Variants in COLGALT2 observed in about 807,000 individuals in gnomAD.
COLGALT2 encodes the protein procollagen galactosyltransferase 2.
In COLGALT2, 49 loss-of-function variants were observed where a neutral mutation model predicts 73.4. The observed-to-expected ratio is 0.67, with a 90% CI of 0.53 to 0.85. COLGALT2 has a LOEUF of 0.85. COLGALT2 is among the 40% of genes least tolerant of loss of function. The pLI, the probability that COLGALT2 is intolerant of heterozygous loss-of-function variation, is 0.00. For missense variants in COLGALT2, 722 were observed against 790.2 expected (o/e 0.91, Z 1.03); for synonymous variants, 295 against 307.6 (o/e 0.96, Z 0.43).
intron 1 of COLGALT2, among the ~76,000 whole-genome samples, chr1:184,026,689 G>A (rs909034237): frequency 2.0e-5 from 3 of 152,170 alleles, no homozygotes; most frequent in African/African-American, 7.2e-5. Flanking sequence ...GGCTAATTTA[G>A]TAGACTGTTT....
chr1:183,946,903 T>A (rs1049670393), intron 8 of COLGALT2, among the ~76,000 whole-genome samples: 10 of 152,110 alleles, frequency 6.6e-5, no homozygotes, highest in African/African-American at 2.4e-4. Context: ...TGGTGGTGGG[T>A]GCCTGTAGTC....
intron 1 of COLGALT2, among the ~76,000 whole-genome samples, chr1:183,985,955 A>T (rs1671478360): frequency 6.6e-6 from 1 of 152,184 alleles, no homozygotes; most frequent in African/African-American, 2.4e-5. Context: ...GAAAATAAAC[A>T]GCTCCACCTA....
intron 6 of COLGALT2, among the ~76,000 whole-genome samples, chr1:183,955,848 C>G (rs914727625): frequency 3.9e-5 from 6 of 152,188 alleles, no homozygotes; most frequent in African/African-American, 1.4e-4. Flanking sequence ...CACCTCTATT[C>G]CAGGCACAGG....
At chr1:183,945,659 C>T (rs943873952) in intron 8 of COLGALT2, 95 bp from the exon 9 acceptor site, 4 of 1,412,446 alleles carry the variant, frequency 2.8e-6, no homozygotes, top group South Asian at 2.6e-5. Context: ...AACACCCCTC[C>T]CCCACACAGA....
intron 1 of COLGALT2, among the ~76,000 whole-genome samples, chr1:184,020,273 G>A (rs796964782): frequency 3.3e-5 from 5 of 152,128 alleles, no homozygotes; most frequent in Non-Finnish European, 5.9e-5. Context: ...ATAAACAAGA[G>A]TTAACAGAGC....
chr1:183,939,070 G>A lies in COLGALT2; in HGVS notation c.1605-33C>T, dbSNP rs765857161. 27 of 1,560,232 alleles carry A rather than the reference G, an allele frequency of 1.7e-5. No individual in the cohort carries two copies. In the African/African-American group the frequency reaches 2.9e-4, roughly 16 times the overall value. On this transcript the variant is annotated intron_variant, in intron 11 of 11. Coordinates refer to ENST00000361927, the MANE Select transcript of COLGALT2 (RefSeq NM_015101.4). ...CAAGAAGGTGGCCGGACACATGAGG[G>A]GGCGGAAAGGAGACTTACGGAACAG...
Position 183,936,094 on chromosome 1 carries a change from T to G in COLGALT2, c.*2667A>C. 1.0e-6 allele frequency: 1 copy of G among 985,586 alleles called. No individual in the cohort carries two copies. Among genetic ancestry groups the G allele is most frequent in the South Asian group, 4.7e-5 (1 of 21,280 alleles). The allele number at this position is 985,586 out of a possible 1,614,324, so 61.1% of individuals were successfully genotyped here. A position where few individuals can be genotyped will look rare whatever the true frequency, so the allele number is the denominator to read the frequency against. On this transcript the variant is annotated 3_prime_UTR_variant, in exon 12 of 12. Coordinates refer to ENST00000361927, the MANE Select transcript of COLGALT2 (RefSeq NM_015101.4). ...ATGTCACGGTTGTCTGTCCAGAAGA[T>G]CCCACGTTAGATCCCAAGAGAAATC... is the stretch of plus-strand genomic sequence containing the variant.
At chr1:184,005,737 A>G (rs1184363373) in intron 1 of COLGALT2, among the ~76,000 whole-genome samples, 1 of 152,132 alleles carries the variant, frequency 6.6e-6, no homozygotes, top group Non-Finnish European at 1.5e-5. Context: ...ATTCCCCAGG[A>G]GACACCTCAG....
chr1:183,938,574 G>A lies in COLGALT2; in HGVS notation c.*187C>T, dbSNP rs1304569715. The A allele has an allele frequency of 2.8e-6, 4 of 1,420,610 alleles. No homozygotes were observed. The highest frequency in any genetic ancestry group is 3.7e-6 in the Non-Finnish European group (4 of 1,090,114). The allele number at this position is 1,420,610 out of a possible 1,614,324, so 88.0% of individuals were successfully genotyped here. A position where few individuals can be genotyped will look rare whatever the true frequency, so the allele number is the denominator to read the frequency against. On this transcript the variant is annotated 3_prime_UTR_variant, in exon 12 of 12. Transcript: ENST00000361927. ...TCAGCCGTCTTGGGAAATTTGGGTT[G>A]AATTTCCTTATTTCCTTCCATGGTC...
At position 184,037,169 on chromosome 1, in the gene COLGALT2, G is replaced by A. The variant is rs768438342; in HGVS notation, c.189C>T (p.Asn63=). The A allele has an allele frequency of 3.7e-6, 6 of 1,603,806 alleles. No homozygotes were observed. Among genetic ancestry groups the A allele is most frequent in the South Asian group, 1.1e-5 (1 of 90,292 alleles). The part of the protein sequence containing the change: ...PTVLVAVLAR[N]AAHTLPHFLG... ...GGAAGTGCGGCAGCGTGTGCGCCGCGTTGCGGGCGAGGACCGCCACGAGCA... is the reference window on the plus strand; with the variant it reads ...GGAAGTGCGGCAGCGTGTGCGCCGCATTGCGGGCGAGGACCGCCACGAGCA... The change falls in exon 1 of 12, where the codon AAC becomes AAT. Residue 63 remains asparagine (N), a synonymous_variant. Coordinates refer to ENST00000361927, the MANE Select transcript of COLGALT2 (RefSeq NM_015101.4).
chr1:183,994,821 T>C (rs1204848592), intron 1 of COLGALT2, among the ~76,000 whole-genome samples: 2 of 152,166 alleles, frequency 1.3e-5, no homozygotes. Flanking sequence ...GGTAAGGTCT[T>C]ATGGGGAGTA....
chr1:183,964,227 C>T (rs2102807907), intron 5 of COLGALT2: 1 of 472,360 alleles, frequency 2.1e-6, no homozygotes, highest in Non-Finnish European at 3.7e-6. Context: ...AAACACTCGG[C>T]TATTCTTCAG....
intron 1 of COLGALT2, among the ~76,000 whole-genome samples, chr1:184,008,142 A>G (rs1379069658): frequency 6.6e-6 from 1 of 152,252 alleles, no homozygotes; most frequent in African/African-American, 2.4e-5. Flanking sequence ...CAGATGTGAT[A>G]CCAAAGACAC....
At chr1:183,999,002 T>C (rs1671844302) in intron 1 of COLGALT2, among the ~76,000 whole-genome samples, 1 of 152,116 alleles carries the variant, frequency 6.6e-6, no homozygotes, top group Non-Finnish European at 1.5e-5. Context: ...TACATAATGA[T>C]TGCTTTACTT....
At chr1:183,932,872 C>T (rs1572621515), downstream of COLGALT2, among the ~76,000 whole-genome samples, 1 of 152,266 alleles carries the variant, frequency 6.6e-6, no homozygotes, top group South Asian at 2.1e-4. Context: ...TTTTTCTCAC[C>T]AGAAACTCTG....
At chr1:184,034,394 T>A (rs1191581964) in intron 1 of COLGALT2, among the ~76,000 whole-genome samples, 1 of 152,080 alleles carries the variant, frequency 6.6e-6, no homozygotes, top group Non-Finnish European at 1.5e-5. Context: ...TCAAACTAAG[T>A]GTCCACTCAT....
intron 1 of COLGALT2, among the ~76,000 whole-genome samples, chr1:184,009,249 TG>T (rs1400304357): frequency 2.0e-5 from 3 of 152,228 alleles, no homozygotes; most frequent in African/African-American, 7.2e-5. Context: ...AAACATGATT[TG>T]TTAAATGTGA....
At chr1:183,998,669 ATTATCT>A (rs1032973505) in intron 1 of COLGALT2, among the ~76,000 whole-genome samples, 3 of 152,054 alleles carry the variant, frequency 2.0e-5, no homozygotes, top group Non-Finnish European at 4.4e-5. Context: ...GGAGAGAATC[ATTATCT>A]TTATCAATTT....
chr1:184,024,493 C>T (rs1002826463), intron 1 of COLGALT2, among the ~76,000 whole-genome samples: 3 of 151,736 alleles, frequency 2.0e-5, no homozygotes, highest in African/African-American at 7.3e-5. Flanking sequence ...GCTGAGATTA[C>T]AGGTGCCCAT....
Sources: allele counts gnomAD v4.1 joint callset (sites outside exome capture counted in the v4.1 genomes callset), GRCh38; gene constraint gnomAD v4.1.1; transcripts MANE v1.5; gene names NCBI Gene and HGNC (gene_info 2026-07-23, HGNC 2026-07-21).